The following CARMIL1 variants were observed in gnomAD, a reference collection of about 807,000 sequenced individuals.
CARMIL1 encodes the protein capping protein regulator and myosin 1 linker 1.
Under a neutral mutation model 177.1 loss-of-function variants are expected in CARMIL1, and 90 were observed. That is an observed-to-expected ratio of 0.51 (90% CI 0.43 to 0.61). CARMIL1 has a LOEUF of 0.61. Ranked by LOEUF, CARMIL1 falls within the 20% of genes least tolerant of loss-of-function variation. The pLI, the probability that CARMIL1 is intolerant of heterozygous loss-of-function variation, is 0.00. For synonymous variants in CARMIL1, 577 were observed against 606.2 expected (o/e 0.95, Z 0.71); for missense variants, 1,380 against 1,667.0 (o/e 0.83, Z 3.00).
intron 29 of CARMIL1, among the ~76,000 whole-genome samples, chr6:25,569,459 T>A (rs893634518): frequency 6.6e-6 from 1 of 152,212 alleles, no homozygotes; most frequent in Non-Finnish European, 1.5e-5. Flanking sequence ...GTCTTCTGAT[T>A]ACTGATTGAT....
At chr6:25,335,562 A>G (rs1375841618) in intron 2 of CARMIL1, among the ~76,000 whole-genome samples, 1 of 152,260 alleles carries the variant, frequency 6.6e-6, no homozygotes. Context: ...AAATAAACCA[A>G]TAAAGGAGAG....
rs1294597156 is a variant in CARMIL1, at chr6:25,529,750, G to A, written c.2067+857G>A. 1.7e-4 allele frequency among the ~76,000 whole-genome samples: 3 copies of A among 17,450 alleles called. No individual in the cohort carries two copies. The East Asian group carries it at 5.3e-3, about 31-fold the overall frequency. The allele number at this position is 17,450 out of a possible 152,430, so 11.4% of individuals were successfully genotyped here. A position where few individuals can be genotyped will look rare whatever the true frequency, so the allele number is the denominator to read the frequency against. On this transcript the variant is annotated intron_variant, in intron 24 of 36. Transcript: ENST00000329474. ...GGCCTGGGCGACAGAGCGAGACTCC[G>A]TCTCCAAAAAAAAAAAAAAAAAAAA...
intron 2 of CARMIL1, among the ~76,000 whole-genome samples, chr6:25,399,908 A>T (rs58064328): frequency 1.3e-5 from 2 of 152,334 alleles, no homozygotes; most frequent in East Asian, 3.9e-4. Flanking sequence ...AGTTTTATAT[A>T]CATCCTCTTA....
intron 26 of CARMIL1, among the ~76,000 whole-genome samples, chr6:25,550,492 A>C (rs1284858602): frequency 2.6e-5 from 4 of 152,208 alleles, no homozygotes; most frequent in Non-Finnish European, 4.4e-5. Context: ...GCAGAATCTC[A>C]GAAGCATTCA....
chr6:25,422,297 C>T (rs1338239386), intron 3 of CARMIL1, among the ~76,000 whole-genome samples: 1 of 152,104 alleles, frequency 6.6e-6, no homozygotes, highest in African/African-American at 2.4e-5. Context: ...TAACATTTAG[C>T]CACTGTTTTG....
intron 22 of CARMIL1, 74 bp downstream of exon 22, chr6:25,517,489 G>C: frequency 8.7e-7 from 1 of 1,155,654 alleles, no homozygotes; most frequent in Non-Finnish European, 1.3e-6. Context: ...TACCTGTTGG[G>C]TAATAGAATC....
At chr6:25,392,048 ATATG>A (rs1418483812) in intron 2 of CARMIL1, among the ~76,000 whole-genome samples, 8 of 126,860 alleles carry the variant, frequency 6.3e-5, no homozygotes, top group Non-Finnish European at 1.6e-5. Flanking sequence ...ATGTGTGTGT[ATATG>A]CATGTGTGTG....
intron 5 of CARMIL1, among the ~76,000 whole-genome samples, chr6:25,441,337 A>ATGTGTGTGTGTG (rs1554196401): frequency 0.026 from 2,469 of 94,448 alleles, 61 homozygotes; most frequent in East Asian, 0.086. Context: ...ATATATATAT[A>ATGTGTGTGTGTG]TGTGTGTGTG....
At chr6:25,552,883 G>T (rs1271138324) in intron 27 of CARMIL1, among the ~76,000 whole-genome samples, 19 of 152,120 alleles carry the variant, frequency 1.2e-4, no homozygotes, top group Admixed American at 1.2e-3. Context: ...AAAGTTTGGG[G>T]TGGGACCCAA....
intron 2 of CARMIL1, among the ~76,000 whole-genome samples, chr6:25,418,911 C>T (rs1228823120): frequency 6.6e-6 from 1 of 152,202 alleles, no homozygotes; most frequent in Admixed American, 6.5e-5. Flanking sequence ...CTCTTCTCAT[C>T]TGTCTCATAA....
chr6:25,538,132 C>T (rs1032400834), intron 25 of CARMIL1, 149 bp downstream of exon 25: 3 of 781,676 alleles, frequency 3.8e-6, no homozygotes, highest in Non-Finnish European at 6.0e-6. Flanking sequence ...CCTTGACCTC[C>T]TTTCTGTACC....
intron 31 of CARMIL1, among the ~76,000 whole-genome samples, chr6:25,590,988 C>T (rs1814245710): frequency 6.6e-6 from 1 of 152,034 alleles, no homozygotes; most frequent in Non-Finnish European, 1.5e-5. Flanking sequence ...ATCTTGATTG[C>T]TTAGCTAATT....
intron 2 of CARMIL1, among the ~76,000 whole-genome samples, chr6:25,354,469 G>A (rs887513489): frequency 2.0e-4 from 29 of 147,254 alleles, no homozygotes; most frequent in Non-Finnish European, 3.3e-4. Flanking sequence ...GTGAGCCACC[G>A]TACTTGCCCT....
intron 24 of CARMIL1, among the ~76,000 whole-genome samples, 172 bp downstream of exon 24, chr6:25,529,065 C>T (rs1177492433): frequency 6.6e-6 from 1 of 152,172 alleles, no homozygotes; most frequent in Admixed American, 6.5e-5. Flanking sequence ...AAAAGGTAGG[C>T]TAATTCTAAG....
At chr6:25,281,118 ACG>A (rs749273570) in intron 1 of CARMIL1, among the ~76,000 whole-genome samples, 1 of 80,600 alleles carries the variant, frequency 1.2e-5, no homozygotes, top group Non-Finnish European at 2.8e-5. Flanking sequence ...TCACAGACGC[ACG>A]CGCGTGTGCG....
At chr6:25,414,384 AG>A (rs1330031970) in intron 2 of CARMIL1, among the ~76,000 whole-genome samples, 1 of 152,214 alleles carries the variant, frequency 6.6e-6, no homozygotes, top group East Asian at 1.9e-4. Flanking sequence ...CCCTACAAGC[AG>A]GATGCCTCCC....
chr6:25,546,077 G>A (rs988811534), intron 26 of CARMIL1, among the ~76,000 whole-genome samples: 1 of 152,030 alleles, frequency 6.6e-6, no homozygotes, highest in Non-Finnish European at 1.5e-5. Context: ...AGCAACTGGT[G>A]AATTTTAAGA....
At chr6:25,475,447 A>G (rs1159774255) in intron 11 of CARMIL1, among the ~76,000 whole-genome samples, 2 of 152,188 alleles carry the variant, frequency 1.3e-5, no homozygotes, top group African/African-American at 4.8e-5. Flanking sequence ...ATAACCCAGA[A>G]ATTCCACTCC....
chr6:25,420,457 A>G, intron 3 of CARMIL1: 1 of 328,168 alleles, frequency 3.0e-6, no homozygotes, highest in South Asian at 4.6e-5. Flanking sequence ...AAATCAGTGA[A>G]GGATTTTGTG....
Sources: gnomAD v4.1 joint callset for allele counts (sites outside exome capture counted in the v4.1 genomes callset) on GRCh38, gnomAD v4.1.1 for gene constraint, MANE v1.5 for transcripts, NCBI Gene and HGNC (gene_info 2026-07-23, HGNC 2026-07-21) for gene names.